CAMTA1: variants seen among roughly 807,000 people sequenced by gnomAD.
The protein encoded by CAMTA1 is calmodulin-binding transcription activator 1.
CAMTA1 carries 27 observed loss-of-function variants against 170.9 expected under a neutral mutation model. The ratio of observed to expected loss-of-function variants is 0.16; its 90% CI spans 0.12 to 0.22. The LOEUF (loss-of-function observed/expected upper bound fraction) is 0.22, where lower values mean the gene tolerates loss of function less well. CAMTA1 is among the 10% of genes least tolerant of loss of function. The probability of loss-of-function intolerance (pLI) is 1.00; values close to 1 mark genes in which losing one functional copy is unlikely to be tolerated. For missense variants in CAMTA1, 1,619 were observed against 2,217.2 expected (o/e 0.73, Z 5.42); for synonymous variants, 833 against 891.5 (o/e 0.93, Z 1.17).
chr1:7,105,003 A>G (rs1643435109), intron 4 of CAMTA1, among the ~76,000 whole-genome samples: 1 of 152,148 alleles, frequency 6.6e-6, no homozygotes, highest in African/African-American at 2.4e-5. Flanking sequence ...CCTTAACCCC[A>G]TCTATCCCAT....
rs753046776 is a variant in CAMTA1, at chr1:7,664,408, G to A, written c.1861G>A (p.Ala621Thr). 7.4e-6 allele frequency: 12 copies of A among 1,613,352 alleles called. No individual in the cohort carries two copies. The highest frequency in any genetic ancestry group is 2.2e-5 in the East Asian group (1 of 44,880). The change falls in exon 9 of 23, where the codon GCC becomes ACC. Residue 621 changes from alanine to threonine, a missense_variant. Around this residue, in one of 8 missense-constraint regions of CAMTA1, gnomAD observed 731 missense variants for 907.6 expected, o/e 0.81. Coordinates refer to ENST00000303635, the MANE Select transcript of CAMTA1 (RefSeq NM_015215.4). ...CTCCCCGAGCTTCTTCCTGCAGGAC[G>A]CCAGCAAACCCCTCCCCGTCGAGCA... The part of the protein sequence containing the change: ...TPSPSFFLQD[A>T]SKPLPVEQNT...
intron 6 of CAMTA1, among the ~76,000 whole-genome samples, chr1:7,501,296 C>T (rs2094001738): frequency 1.3e-5 from 2 of 152,186 alleles, no homozygotes; most frequent in African/African-American, 4.8e-5. Context: ...ATGGGAAGTG[C>T]AGGCCACAGG....
chr1:7,697,329 T>C (rs2096387378), intron 11 of CAMTA1, among the ~76,000 whole-genome samples: 1 of 152,188 alleles, frequency 6.6e-6, no homozygotes, highest in African/African-American at 2.4e-5. Flanking sequence ...GTATTCCAGA[T>C]CTTTCCATCC....
rs1644188602 is a variant in CAMTA1 at position 7,113,546 on chromosome 1, A to T, written c.302+22175A>T. Among the ~76,000 whole-genome samples, 1 of 152,244 alleles carries T rather than the reference A, an allele frequency of 6.6e-6. No individual in the cohort carries two copies. Among genetic ancestry groups the T allele is most frequent in the South Asian group, 2.1e-4 (1 of 4,834 alleles). ...CAAGACCTCCCCCAACAGGCAGACC[A>T]GGGCAGTGCCTATTTATTCATGGCA... On this transcript the variant is annotated intron_variant, in intron 4 of 22. Coordinates refer to ENST00000303635, the MANE Select transcript of CAMTA1 (RefSeq NM_015215.4). The surrounding 1 kb of genome is among the most constrained non-coding windows in gnomAD (Gnocchi z 4.5).
At chr1:7,583,422 G>A (rs1036215796) in intron 6 of CAMTA1, among the ~76,000 whole-genome samples, 4 of 152,136 alleles carry the variant, frequency 2.6e-5, no homozygotes, top group African/African-American at 9.7e-5. Context: ...GCCAGCAGGT[G>A]GGGGCTGCAG....
chr1:7,442,594 G>A (rs1421503637), intron 5 of CAMTA1, among the ~76,000 whole-genome samples: 1 of 152,126 alleles, frequency 6.6e-6, no homozygotes, highest in African/African-American at 2.4e-5. Context: ...ATATGGGTTT[G>A]AGGGTCAGAG....
At chr1:7,118,500 G>A (rs1245195061) in intron 4 of CAMTA1, among the ~76,000 whole-genome samples, 1 of 151,574 alleles carries the variant, frequency 6.6e-6, no homozygotes, top group Non-Finnish European at 1.5e-5. Context: ...GGGTCTTCAT[G>A]TGTTCCCCAG....
rs180946721 is a variant in CAMTA1 at position 7,652,206 on chromosome 1, G to A, written c.665-9520G>A. ...CTAACCAGGCACAAAGCCTGCTGCC[G>A]TGACAAGACCAGCACATGCCTCAGG... is the stretch of plus-strand genomic sequence containing the variant. On this transcript the variant is annotated intron_variant, in intron 7 of 22. Coordinates refer to ENST00000303635, the MANE Select transcript of CAMTA1 (RefSeq NM_015215.4). Among the ~76,000 whole-genome samples, 9 of 152,284 alleles carry A rather than the reference G, an allele frequency of 5.9e-5. No individual in the cohort carries two copies. In the South Asian group the frequency reaches 8.3e-4, roughly 14 times the overall value.
At chr1:7,523,014 GCGCCA>G (rs2094386305) in intron 6 of CAMTA1, among the ~76,000 whole-genome samples, 1 of 152,192 alleles carries the variant, frequency 6.6e-6, no homozygotes, top group African/African-American at 2.4e-5. Context: ...TTACAAGCAT[GCGCCA>G]CCACGCCCAG....
intron 6 of CAMTA1, among the ~76,000 whole-genome samples, chr1:7,637,807 C>A (rs540020803): frequency 9.9e-5 from 15 of 152,224 alleles, no homozygotes; most frequent in Non-Finnish European, 1.8e-4. Flanking sequence ...CCCTGCCCAG[C>A]CCGCCTCCTT....
At chr1:6,802,418 A>G (rs1452744641) in intron 1 of CAMTA1, among the ~76,000 whole-genome samples, 1 of 152,186 alleles carries the variant, frequency 6.6e-6, no homozygotes, top group Non-Finnish European at 1.5e-5. Context: ...TCGACTATGA[A>G]AGAAGGTTGG....
At chr1:7,600,007 C>T (rs1259443793) in intron 6 of CAMTA1, among the ~76,000 whole-genome samples, 2 of 152,210 alleles carry the variant, frequency 1.3e-5, no homozygotes, top group East Asian at 3.8e-4. Flanking sequence ...GAGTGCATCC[C>T]TGTCTTGTGC....
Position 7,284,171 on chromosome 1 carries a change from C to A in CAMTA1, c.438+34545C>A, listed in dbSNP as rs57196433. 8.3e-3 allele frequency among the ~76,000 whole-genome samples: 963 copies of A among 115,530 alleles called. 6 individuals carry two copies. Among genetic ancestry groups the A allele is most frequent in the Middle Eastern group, 0.016 (4 of 246 alleles). 75.8% of individuals were successfully genotyped at this position (115,530 alleles called of 152,430 possible). A position where few individuals can be genotyped will look rare whatever the true frequency, so the allele number is the denominator to read the frequency against. On this transcript the variant is annotated intron_variant, in intron 5 of 22. Coordinates refer to ENST00000303635, the MANE Select transcript of CAMTA1 (RefSeq NM_015215.4). ...TCTTCTTCTTCTTCTTCTTCTTCTT[C>A]TTCTTCTTATTATTATTATTATTAT... is the stretch of plus-strand genomic sequence containing the variant.
intron 4 of CAMTA1, among the ~76,000 whole-genome samples, chr1:7,176,967 G>C (rs972725018): frequency 5.3e-5 from 8 of 152,038 alleles, no homozygotes; most frequent in Non-Finnish European, 7.4e-5. Context: ...CCCAGGAAGA[G>C]GAGGAGGAAA....
At chr1:7,362,962 A>C (rs575183775) in intron 5 of CAMTA1, among the ~76,000 whole-genome samples, 9 of 152,314 alleles carry the variant, frequency 5.9e-5, no homozygotes, top group Admixed American at 2.6e-4. Flanking sequence ...GAGGTGGTGG[A>C]CTTGGATAGA....
At chr1:7,650,501 A>T (rs776849981) in intron 7 of CAMTA1, among the ~76,000 whole-genome samples, 2 of 152,128 alleles carry the variant, frequency 1.3e-5, no homozygotes, top group Non-Finnish European at 2.9e-5. Flanking sequence ...CAAGCTCTCA[A>T]CACCCTGGCA....
intron 16 of CAMTA1, among the ~76,000 whole-genome samples, chr1:7,739,219 A>G (rs1001413346): frequency 6.6e-6 from 1 of 152,160 alleles, no homozygotes; most frequent in Non-Finnish European, 1.5e-5. Context: ...AAAAGGGAAA[A>G]AAAACGACTC....
intron 3 of CAMTA1, among the ~76,000 whole-genome samples, chr1:6,920,407 C>T (rs9645400): frequency 0.56 from 84,883 of 152,074 alleles, 23,936 homozygotes; most frequent in Non-Finnish European, 0.61. Context: ...AGCCTCCCTC[C>T]TTGCTACTTT....
At chr1:7,746,582 C>T (rs1237984320) in intron 18 of CAMTA1, among the ~76,000 whole-genome samples, 1 of 152,196 alleles carries the variant, frequency 6.6e-6, no homozygotes, top group Non-Finnish European at 1.5e-5. Context: ...AGGGCCCATC[C>T]ATGGTTAGGC....
Sources: allele counts gnomAD v4.1 joint callset (sites outside exome capture counted in the v4.1 genomes callset), GRCh38; gene constraint gnomAD v4.1.1; regional missense constraint gnomAD v4.1.1; non-coding constraint Gnocchi (gnomAD v3.1); transcripts MANE v1.5; gene names NCBI Gene and HGNC (gene_info 2026-07-23, HGNC 2026-07-21).